Variants in LINGO1 observed in about 807,000 individuals in gnomAD.
LINGO1 encodes the protein leucine rich repeat and Ig domain containing 1.
In LINGO1, 11 loss-of-function variants were observed where a neutral mutation model predicts 37.3. The ratio of observed to expected loss-of-function variants is 0.29; its 90% CI spans 0.19 to 0.49. The LOEUF is 0.49. Among genes scored for constraint, LINGO1 ranks in the 20% least tolerant of loss-of-function variants. LINGO1 has a pLI of 0.99. For synonymous variants in LINGO1, 387 were observed against 403.0 expected (o/e 0.96, Z 0.48); for missense variants, 585 against 878.2 (o/e 0.67, Z 4.22).
At chr15:77,649,776 C>G (rs79969060) in intron 3 of LINGO1, among the ~76,000 whole-genome samples, 8,175 of 152,144 alleles carry the variant, frequency 0.054, 243 homozygotes, top group East Asian at 0.13. Flanking sequence ...AGCCTGCCCC[C>G]CCGAGTGCAG....
chr15:77,731,899 A>G (rs143673626), intron 2 of LINGO1, among the ~76,000 whole-genome samples: 441 of 152,250 alleles, frequency 2.9e-3, no homozygotes, highest in Middle Eastern at 0.014. Context: ...AGCAGGGAAG[A>G]AGCTGGAGCC....
At chr15:77,623,882 T>TGTGA (rs1382456819) in intron 1 of LINGO1, among the ~76,000 whole-genome samples, 2 of 146,458 alleles carry the variant, frequency 1.4e-5, no homozygotes, top group African/African-American at 5.1e-5. Flanking sequence ...TGTGTCTGTG[T>TGTGA]GTGAGTGATG....
At chr15:77,767,506 C>T (rs544041925) in intron 1 of LINGO1, among the ~76,000 whole-genome samples, 1 of 152,194 alleles carries the variant, frequency 6.6e-6, no homozygotes, top group Non-Finnish European at 1.5e-5. Context: ...GTCCAGGGAG[C>T]AAGAGGGTCA....
At chr15:77,805,783 T>G (rs933805666) in intron 1 of LINGO1, among the ~76,000 whole-genome samples, 1 of 152,056 alleles carries the variant, frequency 6.6e-6, no homozygotes, top group Non-Finnish European at 1.5e-5. Flanking sequence ...AGCTTAAAAA[T>G]GGGAACAAGT....
intron 3 of LINGO1, among the ~76,000 whole-genome samples, chr15:77,667,431 T>C (rs2075156460): frequency 6.6e-6 from 1 of 152,090 alleles, no homozygotes; most frequent in South Asian, 2.1e-4. Context: ...CGAGGGGCCA[T>C]GGAGTGAAGG....
At chr15:77,818,986 C>G (rs1200845740) in intron 1 of LINGO1, among the ~76,000 whole-genome samples, 1 of 151,694 alleles carries the variant, frequency 6.6e-6, no homozygotes, top group Non-Finnish European at 1.5e-5. Flanking sequence ...GCCCGCCGCG[C>G]CCCAGGGGCT....
Position 77,745,522 on chromosome 15 carries a change from C to T in LINGO1, c.-256-10469G>A, listed in dbSNP as rs143739981. 1.1e-4 allele frequency among the ~76,000 whole-genome samples: 16 copies of T among 152,224 alleles called. No homozygotes were observed. The East Asian group carries it at 2.7e-3, about 26-fold the overall frequency. ...CAGAATCACTGCCACCCCAACCTGG[C>T]GGCTCTGCCCACTGAGCGTGAGCTT... On this transcript the variant is annotated intron_variant, in intron 1 of 3. Transcript: ENST00000561686.
At chr15:77,783,710 T>C (rs1002296112) in intron 1 of LINGO1, among the ~76,000 whole-genome samples, 2 of 152,102 alleles carry the variant, frequency 1.3e-5, no homozygotes, top group Admixed American at 1.3e-4. Context: ...CTAAAACGAA[T>C]CCCATGTCTT....
At chr15:77,820,759 C>T (rs1434100154), upstream of LINGO1, 1 of 152,352 alleles carries the variant, frequency 6.6e-6, no homozygotes, top group Non-Finnish European at 1.5e-5. Context: ...AAGGTAGTCC[C>T]TCAGCCCCCA....
intron 1 of LINGO1, among the ~76,000 whole-genome samples, chr15:77,620,140 C>A (rs2073873080): frequency 6.6e-6 from 1 of 152,256 alleles, no homozygotes; most frequent in Non-Finnish European, 1.5e-5. Context: ...GCTGGCTACT[C>A]CTGCAACTGT....
At position 77,745,359 on chromosome 15, in the gene LINGO1, G is replaced by C. The variant is rs544596513; in HGVS notation, c.-256-10306C>G. ...GAGAATGGCGTGAACCCGGGAGGTGGAGCTTGCAGTGAGCCGAGATCTGGC... is the reference window on the plus strand; with the variant it reads ...GAGAATGGCGTGAACCCGGGAGGTGCAGCTTGCAGTGAGCCGAGATCTGGC... On this transcript the variant is annotated intron_variant, in intron 1 of 3. Coordinates refer to the LINGO1 transcript ENST00000561686. Among the ~76,000 whole-genome samples the C allele has an allele frequency of 1.6e-3, 247 of 151,600 alleles. 1 individual carries two copies. The highest frequency in any genetic ancestry group is 5.8e-3 in the African/African-American group (240 of 41,270).
At chr15:77,665,627 C>T (rs1015144940) in intron 3 of LINGO1, among the ~76,000 whole-genome samples, 1 of 152,222 alleles carries the variant, frequency 6.6e-6, no homozygotes, top group African/African-American at 2.4e-5. Context: ...CTCACACATC[C>T]CCTCCACAGC....
At chr15:77,740,009 A>T (rs2076244490) in intron 1 of LINGO1, among the ~76,000 whole-genome samples, 1 of 152,226 alleles carries the variant, frequency 6.6e-6, no homozygotes, top group Non-Finnish European at 1.5e-5. Context: ...CTGGGGACCT[A>T]GGGGATCACC....
chr15:77,797,496 GA>G (rs2141456914), intron 1 of LINGO1, among the ~76,000 whole-genome samples: 1 of 152,328 alleles, frequency 6.6e-6, no homozygotes, highest in South Asian at 2.1e-4. Context: ...ACCTTCAAAC[GA>G]AAGTCCACAC....
In LINGO1 at chr15:77,785,759, C is replaced by T. The variant is rs577815944; in HGVS notation, c.-257+1110G>A. On this transcript the variant is annotated intron_variant, in intron 1 of 3. Transcript: ENST00000561686. ...CAGCTTCCCCAAATCCTCCCGAGCT[C>T]TAAGGACCAGACACCTCCAGGAAGC... 6.3e-3 allele frequency among the ~76,000 whole-genome samples: 960 copies of T among 152,272 alleles called. 5 individuals carry two copies. The highest frequency in any genetic ancestry group is 0.014 in the Middle Eastern group (4 of 294).
At chr15:77,698,186 C>T (rs114121763), upstream of LINGO1, among the ~76,000 whole-genome samples, 1,740 of 152,114 alleles carry the variant, frequency 0.011, 42 homozygotes, top group African/African-American at 0.039. Context: ...AAAGTGAGGA[C>T]GGCAGTTACA....
chr15:77,751,962 C>A (rs1202445490), intron 1 of LINGO1, among the ~76,000 whole-genome samples: 1 of 152,208 alleles, frequency 6.6e-6, no homozygotes, highest in Non-Finnish European at 1.5e-5. Flanking sequence ...CAGGAGCCGC[C>A]CTCTCACATG....
intron 1 of LINGO1, among the ~76,000 whole-genome samples, chr15:77,754,340 G>A (rs1302175878): frequency 6.6e-6 from 1 of 151,846 alleles, no homozygotes; most frequent in East Asian, 1.9e-4. Context: ...AGGGAGGGAA[G>A]GAAGACAGAT....
chr15:77,739,989 G>A (rs2076244224), intron 1 of LINGO1, among the ~76,000 whole-genome samples: 1 of 152,264 alleles, frequency 6.6e-6, no homozygotes, highest in Admixed American at 6.5e-5. Flanking sequence ...GCCAGGCACT[G>A]AGCTGAGAGC....
Sources: allele counts gnomAD v4.1 joint callset (sites outside exome capture counted in the v4.1 genomes callset), GRCh38; gene constraint gnomAD v4.1.1; transcripts MANE v1.5; gene names NCBI Gene and HGNC (gene_info 2026-07-23, HGNC 2026-07-21).